HNRNPC: variants seen among roughly 807,000 people sequenced by gnomAD.
The protein encoded by HNRNPC is heterogeneous nuclear ribonucleoprotein C.
In HNRNPC, 3 loss-of-function variants were observed where a neutral mutation model predicts 33.2. That is an observed-to-expected ratio of 0.09 (90% confidence interval 0.04 to 0.23). The LOEUF (loss-of-function observed/expected upper bound fraction) is 0.23, where lower values mean the gene tolerates loss of function less well. HNRNPC is among the 10% of genes least tolerant of loss of function. HNRNPC has a pLI of 1.00. For missense variants in HNRNPC, 143 were observed against 366.7 expected (o/e 0.39, Z 4.98); for synonymous variants, 121 against 126.7 (o/e 0.96, Z 0.30).
chr14:21,231,019 G>T lies in HNRNPC; in HGVS notation c.295C>A (p.Arg99=). Residue 99 remains arginine, a synonymous_variant, in exon 4 of 9, where the codon CGA becomes AGA. Transcript: ENST00000553300. ...KVNRGKAGVK[R]SAAEMYGSSF... ...GACCCGTACATCTCCGCTGCAGATC[G>T]TTTCACACCTGCTTTTCCTCGGTTC... 6.2e-7 allele frequency: 1 copy of T among 1,614,180 alleles called. No homozygotes were observed. The highest frequency in any genetic ancestry group is 1.1e-5 in the South Asian group (1 of 91,090).
intron 3 of HNRNPC, 72 bp downstream of exon 3, chr14:21,233,879 CAT>C: frequency 6.4e-7 from 1 of 1,551,226 alleles, no homozygotes; most frequent in Non-Finnish European, 8.7e-7. Flanking sequence ...GTTTTACAGA[CAT>C]AAAGACAAAA....
At chr14:21,233,820 T>A (rs1018452628) in intron 3 of HNRNPC, 133 bp downstream of exon 3, 7 of 1,133,086 alleles carry the variant, frequency 6.2e-6, no homozygotes, top group African/African-American at 4.7e-5. Flanking sequence ...GCCTAATGTA[T>A]TTTTATTAGG....
intron 2 of HNRNPC, among the ~76,000 whole-genome samples, chr14:21,256,615 G>C (rs1877259875): frequency 6.6e-6 from 1 of 152,126 alleles, no homozygotes; most frequent in African/African-American, 2.4e-5. Context: ...TCGACAGTAT[G>C]AGTAGTGGTA....
At chr14:21,234,256 T>C in intron 2 of HNRNPC, 27 bp from the exon 3 acceptor site, 1 of 1,526,376 alleles carries the variant, frequency 6.6e-7, no homozygotes, top group Non-Finnish European at 8.9e-7. Flanking sequence ...AGTATACAGG[T>C]GAACAGATGC....
intron 2 of HNRNPC, among the ~76,000 whole-genome samples, chr14:21,260,721 T>C (rs567069228): frequency 6.6e-6 from 1 of 152,004 alleles, no homozygotes; most frequent in Admixed American, 6.6e-5. Context: ...TTCCAGCACT[T>C]TGGGAGGCCG....
Position 21,257,870 on chromosome 14 carries a change from CT to C in HNRNPC, c.-37+5440del, listed in dbSNP as rs1012010239. Among the ~76,000 whole-genome samples the C allele has an allele frequency of 3.6e-4, 55 of 152,276 alleles. No homozygotes were observed. The South Asian group carries it at 5.0e-3, about 14-fold the overall frequency. On this transcript the variant is annotated intron_variant, in intron 2 of 8. Coordinates refer to ENST00000553300, the MANE Select transcript of HNRNPC (RefSeq NM_004500.4). ...ACTGCTGCAACTGGCCTAAAGCTCA[CT>C]TTTAAAATGTGCTTGCTTCCCTATT...
rs1484849050 is a variant in HNRNPC, at chr14:21,226,596, CAT to C, written c.365+3721_365+3722del. Among the ~76,000 whole-genome samples the C allele has an allele frequency of 3.9e-5, 6 of 152,236 alleles. No individual in the cohort carries two copies. The East Asian group carries it at 9.7e-4, about 24-fold the overall frequency. ...AGAGGGCCAGGCGTAGTGGTTCACACATGTCATCTCAGCACTTTGCGTGGCCA... is the reference window on the plus strand; with the variant it reads ...AGAGGGCCAGGCGTAGTGGTTCACACGTCATCTCAGCACTTTGCGTGGCCA... On this transcript the variant is annotated intron_variant, in intron 5 of 8. Transcript: ENST00000553300.
chr14:21,267,105 AAAAAAAAAAAAAAAAAAAAAAAC>A (rs1325545218), intron 1 of HNRNPC, among the ~76,000 whole-genome samples: 1 of 64,782 alleles, frequency 1.5e-5, no homozygotes, highest in Non-Finnish European at 3.4e-5. Flanking sequence ...CAAAAAAAAA[AAAAAAAAAAAAAAAAAAAAAAAC>A]AAAACTGCTT....
intron 1 of HNRNPC, chr14:21,265,625 A>G (rs1306411156): frequency 6.6e-6 from 1 of 152,190 alleles, no homozygotes; most frequent in Non-Finnish European, 1.5e-5. Flanking sequence ...GCCTGGCAAC[A>G]TGGCGAAACC....
At chr14:21,224,460 A>C (rs756732251) in intron 5 of HNRNPC, among the ~76,000 whole-genome samples, 6 of 152,144 alleles carry the variant, frequency 3.9e-5, no homozygotes, top group Non-Finnish European at 7.4e-5. Context: ...GTAACCATTA[A>C]TGGCATAATC....
At chr14:21,266,003 C>T (rs535255436) in intron 1 of HNRNPC, among the ~76,000 whole-genome samples, 19 of 152,292 alleles carry the variant, frequency 1.2e-4, no homozygotes, top group Middle Eastern at 3.4e-3. Context: ...GAGATCATAG[C>T]AATCTGTTTT....
intron 2 of HNRNPC, among the ~76,000 whole-genome samples, chr14:21,243,616 T>C (rs1895619545): frequency 6.6e-6 from 1 of 152,228 alleles, no homozygotes; most frequent in Non-Finnish European, 1.5e-5. Flanking sequence ...TTTCCATTGT[T>C]TTAACTAACT....
At chr14:21,251,284 A>AAG (rs1896642296) in intron 2 of HNRNPC, among the ~76,000 whole-genome samples, 1 of 149,882 alleles carries the variant, frequency 6.7e-6, no homozygotes. Context: ...AAAAAAAAAA[A>AAG]GACTTCATTT....
rs192162107 is a variant in HNRNPC, at chr14:21,267,972, T to C, written c.-63+1326A>G. ...CCTTAAGAAAGGGGTCGCGATGTTT[T>C]TGACCCTTATTTTACTTCCTATCAA... On this transcript the variant is annotated intron_variant, in intron 1 of 8. Transcript: ENST00000553300. Among the ~76,000 whole-genome samples, 314 of 152,346 alleles carry C rather than the reference T, an allele frequency of 2.1e-3. 1 individual carries two copies. Among genetic ancestry groups the C allele is most frequent in the African/African-American group, 7.1e-3 (297 of 41,582 alleles).
intron 5 of HNRNPC, among the ~76,000 whole-genome samples, chr14:21,224,441 C>T (rs1893185896): frequency 6.6e-6 from 1 of 152,098 alleles, no homozygotes; most frequent in Non-Finnish European, 1.5e-5. Flanking sequence ...CTGTGAAACC[C>T]CCCTTCATGT....
chr14:21,234,884 CAA>C (rs1446951036), intron 2 of HNRNPC: 14 of 111,248 alleles, frequency 1.3e-4, no homozygotes, highest in Admixed American at 6.9e-4. Flanking sequence ...ACATAAGTAT[CAA>C]TACCATCTTT....
chr14:21,233,203 T>G (rs1260779599), intron 3 of HNRNPC, among the ~76,000 whole-genome samples: 1 of 152,180 alleles, frequency 6.6e-6, no homozygotes, highest in Admixed American at 6.5e-5. Context: ...TCCAGTAAGA[T>G]GTAAAAACAA....
intron 2 of HNRNPC, chr14:21,263,088 T>C (rs1290197005): frequency 6.6e-6 from 1 of 152,056 alleles, no homozygotes; most frequent in Non-Finnish European, 1.5e-5. Flanking sequence ...TCTCCCAAGA[T>C]GCAAAACTCC....
At chr14:21,225,954 T>C (rs1893372113) in intron 5 of HNRNPC, among the ~76,000 whole-genome samples, 1 of 152,112 alleles carries the variant, frequency 6.6e-6, no homozygotes, top group Admixed American at 6.5e-5. Flanking sequence ...ACTGCAGTAT[T>C]TGTGGCACAA....
Sources: allele counts gnomAD v4.1 joint callset (sites outside exome capture counted in the v4.1 genomes callset), GRCh38; gene constraint gnomAD v4.1.1; transcripts MANE v1.5; gene names NCBI Gene and HGNC (gene_info 2026-07-23, HGNC 2026-07-21).